The following OR56A3 variants were observed in gnomAD, a reference collection of about 807,000 sequenced individuals.
OR56A3 encodes the protein olfactory receptor family 56 subfamily A member 3.
Under a neutral mutation model 17.5 loss-of-function variants are expected in OR56A3, and 23 were observed. That is an observed-to-expected ratio of 1.32 (90% CI 0.95 to 1.87). The LOEUF is 1.87. Among genes scored for constraint, OR56A3 ranks in the 40% most tolerant of loss-of-function variants. The pLI, the probability that OR56A3 is intolerant of heterozygous loss-of-function variation, is 0.00. For missense variants in OR56A3, 366 were observed against 380.1 expected, an observed-to-expected ratio of 0.96 and a Z score of 0.31; for synonymous variants, 175 against 150.6, an observed-to-expected ratio of 1.16 and a Z score of -1.19.
chr11:5,961,828 AT>A, the OR56A3 span, among the ~76,000 whole-genome samples: 1 of 151,482 alleles, frequency 6.6e-6, no homozygotes, highest in African/African-American at 2.4e-5. Flanking sequence ...TTTTAACACC[AT>A]TATGTTGTTT....
At chr11:6,003,014 G>T in the OR56A3 span, 2 of 1,614,006 alleles carry the variant, frequency 1.2e-6, no homozygotes, top group African/African-American at 2.7e-5. Flanking sequence ...TGATCAATCT[G>T]GAGACCCAGT....
At chr11:5,977,490 T>C in the OR56A3 span, among the ~76,000 whole-genome samples, 1 of 152,222 alleles carries the variant, frequency 6.6e-6, no homozygotes, top group Admixed American at 6.5e-5. Flanking sequence ...TTCATATGCT[T>C]GTTGACCACA....
chr11:5,943,386 G>A (rs117390629), intron 1 of OR56A3: 3 of 151,954 alleles, frequency 2.0e-5, no homozygotes, highest in Admixed American at 6.5e-5. Flanking sequence ...GCTCTACCCT[G>A]CAAAGGTCAT....
At chr11:5,976,195 A>C in the OR56A3 span, among the ~76,000 whole-genome samples, 1 of 151,694 alleles carries the variant, frequency 6.6e-6, no homozygotes, top group Non-Finnish European at 1.5e-5. Flanking sequence ...GAAAACAGGG[A>C]AAGAATAAAA....
At chr11:5,984,949 T>A in the OR56A3 span, among the ~76,000 whole-genome samples, 1 of 152,196 alleles carries the variant, frequency 6.6e-6, no homozygotes, top group South Asian at 2.1e-4. Flanking sequence ...CAGGGCAACA[T>A]CAACAAACAG....
chr11:5,966,998 C>T, the OR56A3 span, among the ~76,000 whole-genome samples: 34 of 150,978 alleles, frequency 2.3e-4, no homozygotes, highest in Admixed American at 8.6e-4. Context: ...AAATAAGTAG[C>T]ATTAGATAAA....
the OR56A3 span, chr11:6,002,069 GT>G: frequency 1.9e-6 from 3 of 1,594,098 alleles, no homozygotes; most frequent in East Asian, 4.5e-5. Flanking sequence ...TCTTCAGCAG[GT>G]TTTGGATTCC....
chr11:5,967,456 A>T, the OR56A3 span: 2 of 889,604 alleles, frequency 2.2e-6, no homozygotes, highest in Non-Finnish European at 3.4e-6. Flanking sequence ...GTCTAAACTT[A>T]TTCTCGCAGT....
At chr11:5,985,421 ATAAG>A in the OR56A3 span, among the ~76,000 whole-genome samples, 4 of 152,242 alleles carry the variant, frequency 2.6e-5, no homozygotes, top group Non-Finnish European at 5.9e-5. Flanking sequence ...TTTTAAATAA[ATAAG>A]TAATACCCAT....
chr11:5,969,578 G>T, the OR56A3 span, among the ~76,000 whole-genome samples: 1 of 152,134 alleles, frequency 6.6e-6, no homozygotes, highest in Non-Finnish European at 1.5e-5. Flanking sequence ...CTGACTTATG[G>T]ATTATCCAGC....
the OR56A3 span, chr11:5,968,631 A>T: frequency 3.0e-6 from 2 of 661,224 alleles, no homozygotes; most frequent in Non-Finnish European, 5.0e-6. Flanking sequence ...ACAGATGACC[A>T]ATCCCAAATG....
chr11:5,947,935 A>G lies in OR56A3; in HGVS notation c.589A>G (p.Thr197Ala). Residue 197 changes from threonine (T) to alanine (A), a missense_variant, in exon 3 of 3, where the codon ACC becomes GCC. Transcript: ENST00000641160. Reference protein sequence around the residue: ...SVSRLSCDDVTINHLYQFAGG... With the variant: ...SVSRLSCDDVAINHLYQFAGG... ...TTCCAGACTCTCCTGCGATGATGTC[A>G]CCATCAATCACCTTTACCAATTTGC... The G allele has an allele frequency of 6.2e-7, 1 of 1,614,038 alleles. No homozygotes were observed. The highest frequency in any genetic ancestry group is 8.5e-7 in the Non-Finnish European group (1 of 1,179,914).
At chr11:5,995,810 C>T in the OR56A3 span, among the ~76,000 whole-genome samples, 3 of 152,254 alleles carry the variant, frequency 2.0e-5, no homozygotes, top group East Asian at 1.9e-4. Context: ...ATAGTCACCA[C>T]GCTGTGCAAT....
chr11:5,996,374 C>T, the OR56A3 span, among the ~76,000 whole-genome samples: 10 of 152,288 alleles, frequency 6.6e-5, no homozygotes, highest in African/African-American at 2.4e-4. Context: ...ATAATCAACA[C>T]ATCCAAAGTT....
At chr11:6,002,593 T>G in the OR56A3 span, 2 of 1,614,218 alleles carry the variant, frequency 1.2e-6, no homozygotes, top group Non-Finnish European at 1.7e-6. Context: ...GACGGGTATC[T>G]CAATGGATGG....
the OR56A3 span, chr11:6,021,432 T>G: frequency 1.3e-5 from 2 of 152,120 alleles, no homozygotes; most frequent in African/African-American, 2.4e-5. Context: ...TGATAAATGT[T>G]TGAGATGATG....
the OR56A3 span, among the ~76,000 whole-genome samples, chr11:5,961,232 GC>G: frequency 2.0e-5 from 3 of 152,154 alleles, no homozygotes; most frequent in Non-Finnish European, 2.9e-5. Flanking sequence ...TTCCCCGGCC[GC>G]CACCCCATCT....
At chr11:5,987,072 T>C in the OR56A3 span, 1 of 735,422 alleles carries the variant, frequency 1.4e-6, no homozygotes, top group Non-Finnish European at 2.2e-6. Context: ...AGATAATTCT[T>C]TTACAAGTGA....
the OR56A3 span, among the ~76,000 whole-genome samples, chr11:5,991,167 G>A: frequency 6.6e-6 from 1 of 152,318 alleles, no homozygotes; most frequent in East Asian, 1.9e-4. Flanking sequence ...ATGAGTACTA[G>A]CTCTGGCAAG....
Sources: allele counts gnomAD v4.1 joint callset (sites outside exome capture counted in the v4.1 genomes callset), GRCh38; gene constraint gnomAD v4.1.1; transcripts MANE v1.5; gene names NCBI Gene and HGNC (gene_info 2026-07-23, HGNC 2026-07-21).